PACSIN2: variants seen among roughly 807,000 people sequenced by gnomAD.
PACSIN2 encodes protein kinase C and casein kinase substrate in neurons 2, also known as protein kinase C and casein kinase substrate in neurons protein 2.
In PACSIN2, 25 loss-of-function variants were observed where a neutral mutation model predicts 63.8. The observed-to-expected ratio is 0.39, with a 90% CI of 0.29 to 0.55. PACSIN2 has a LOEUF of 0.55. PACSIN2 is among the 20% of genes least tolerant of loss of function. The probability of loss-of-function intolerance (pLI) is 0.62; values close to 1 mark genes in which losing one functional copy is unlikely to be tolerated. For synonymous variants in PACSIN2, 255 were observed against 256.2 expected, an observed-to-expected ratio of 1.00 and a Z score of 0.05; for missense variants, 518 against 646.9, an observed-to-expected ratio of 0.80 and a Z score of 2.16.
At chr22:42,927,540 C>T (rs929283669) in intron 1 of PACSIN2, among the ~76,000 whole-genome samples, 15 of 150,794 alleles carry the variant, frequency 9.9e-5, no homozygotes, top group African/African-American at 2.9e-4. Flanking sequence ...TGAGCCACCA[C>T]GCCTGGCCCC....
At chr22:42,978,326 C>T (rs924433927) in intron 1 of PACSIN2, among the ~76,000 whole-genome samples, 1 of 152,192 alleles carries the variant, frequency 6.6e-6, no homozygotes, top group Admixed American at 6.5e-5. Flanking sequence ...TTGATTACCA[C>T]CTAGCTGTTT....
chr22:42,941,608 T>C (rs921469597), intron 1 of PACSIN2, among the ~76,000 whole-genome samples: 8 of 152,336 alleles, frequency 5.3e-5, no homozygotes, highest in South Asian at 2.1e-4. Context: ...TGATATCTCA[T>C]TGTGATTTTG....
intron 1 of PACSIN2, among the ~76,000 whole-genome samples, chr22:42,983,964 CTTTTTTTT>C (rs532427677): frequency 1.9e-5 from 2 of 104,638 alleles, no homozygotes; most frequent in South Asian, 3.1e-4. Context: ...GCACTTAGCA[CTTTTTTTT>C]TTTTTTTTTT....
At chr22:42,979,745 G>A (rs1921952163) in intron 1 of PACSIN2, among the ~76,000 whole-genome samples, 1 of 152,010 alleles carries the variant, frequency 6.6e-6, no homozygotes, top group Non-Finnish European at 1.5e-5. Context: ...CACAGACATT[G>A]CCTCCTCTAG....
chr22:42,997,341 A>G (rs1923474351), intron 1 of PACSIN2, among the ~76,000 whole-genome samples: 1 of 152,162 alleles, frequency 6.6e-6, no homozygotes, highest in Non-Finnish European at 1.5e-5. Context: ...GGCAGATCAC[A>G]AGGTCAGGAG....
At chr22:42,910,200 G>A (rs1467683706) in intron 2 of PACSIN2, among the ~76,000 whole-genome samples, 1 of 152,110 alleles carries the variant, frequency 6.6e-6, no homozygotes, top group African/African-American at 2.4e-5. Context: ...CACAAGGAAG[G>A]GCCTTTTGAG....
intron 1 of PACSIN2, chr22:42,945,803 T>A (rs548057946): frequency 2.0e-5 from 3 of 152,602 alleles, no homozygotes; most frequent in East Asian, 3.9e-4. Context: ...ACTTGTTTAG[T>A]CCCCGACTCC....
At chr22:42,973,113 T>C (rs1921447647) in intron 1 of PACSIN2, among the ~76,000 whole-genome samples, 1 of 152,162 alleles carries the variant, frequency 6.6e-6, no homozygotes, top group South Asian at 2.1e-4. Context: ...GACATGACCG[T>C]CAGCTCAAAC....
chr22:42,944,102 A>C (rs1601557728), intron 1 of PACSIN2, among the ~76,000 whole-genome samples: 1 of 152,132 alleles, frequency 6.6e-6, no homozygotes, highest in East Asian at 1.9e-4. Context: ...AGTCCACACA[A>C]AGCCCCCAGC....
chr22:42,940,607 G>A (rs1322684065), intron 1 of PACSIN2, among the ~76,000 whole-genome samples: 1 of 152,226 alleles, frequency 6.6e-6, no homozygotes, highest in East Asian at 1.9e-4. Flanking sequence ...GCATGCTGGA[G>A]AGGGGCCACC....
intron 1 of PACSIN2, among the ~76,000 whole-genome samples, chr22:42,985,774 GA>G (rs775697143): frequency 1.3e-5 from 2 of 152,156 alleles, no homozygotes; most frequent in African/African-American, 2.4e-5. Flanking sequence ...CTGGAAATCT[GA>G]TAAGTCTCCC....
At chr22:43,005,781 G>A (rs1035347247) in intron 1 of PACSIN2, among the ~76,000 whole-genome samples, 3 of 152,008 alleles carry the variant, frequency 2.0e-5, no homozygotes, top group African/African-American at 7.3e-5. Context: ...ATGCTGCCCC[G>A]CCAAAATCCT....
At position 42,870,214 on chromosome 22, in the gene PACSIN2, T is replaced by C. The variant is rs1360354829; in HGVS notation, c.*1143A>G. ...CAAAGACGCGGGCACTTTTACAGTG[T>C]TCTGCTACGGAGCCAGGACAAAGGC... On this transcript the variant is annotated 3_prime_UTR_variant, in exon 11 of 11. Transcript: ENST00000263246. 1 of 152,234 alleles carries C rather than the reference T, an allele frequency of 6.6e-6. No homozygotes were observed. Among genetic ancestry groups the C allele is most frequent in the Non-Finnish European group, 1.5e-5 (1 of 68,040 alleles). The allele number at this position is 152,234 out of a possible 1,614,324, so 9.4% of individuals were successfully genotyped here.
At chr22:43,003,534 C>T (rs962912580) in intron 1 of PACSIN2, among the ~76,000 whole-genome samples, 12 of 152,184 alleles carry the variant, frequency 7.9e-5, no homozygotes, top group South Asian at 2.1e-4. Flanking sequence ...ACCCAGGAGG[C>T]GGAGCTTGCA....
intron 9 of PACSIN2, among the ~76,000 whole-genome samples, 164 bp downstream of exon 9, chr22:42,876,724 G>C (rs1928659389): frequency 6.6e-6 from 1 of 152,262 alleles, no homozygotes. Context: ...CAGAGAGCCT[G>C]TGCCAGAGAG....
chr22:42,938,847 G>A (rs1204691447), intron 1 of PACSIN2, among the ~76,000 whole-genome samples: 1 of 152,198 alleles, frequency 6.6e-6, no homozygotes, highest in African/African-American at 2.4e-5. Context: ...GCTGGATCCC[G>A]AGGTGGAGAA....
chr22:42,968,429 A>G (rs922135184), intron 1 of PACSIN2, among the ~76,000 whole-genome samples: 1 of 152,216 alleles, frequency 6.6e-6, no homozygotes, highest in African/African-American at 2.4e-5. Flanking sequence ...ATTTTGGATC[A>G]GTGCTGGGGA....
chr22:42,990,685 C>G (rs3819677), intron 1 of PACSIN2, among the ~76,000 whole-genome samples: 92,445 of 151,992 alleles, frequency 0.61, 28,710 homozygotes, highest in East Asian at 0.78. Flanking sequence ...TGAGACTCAA[C>G]GGGTAAGCAG....
chr22:43,010,398 A>ATATATTTTTT lies in PACSIN2; in HGVS notation c.-78+4622_-78+4623insAAAAAATATA. ...TGTTTAAAAATACATATATATATATATTTTTTTTTAATTGAAAATAAAAAA... is the reference window on the plus strand; with the variant it reads ...TGTTTAAAAATACATATATATATATATATATTTTTTTTTTTTTTTAATTGAAAATAAAAAA... On this transcript the variant is annotated intron_variant, in intron 1 of 10. Transcript: ENST00000263246. 7.6e-3 allele frequency among the ~76,000 whole-genome samples: 957 copies of ATATATTTTTT among 126,400 alleles called. 23 individuals carry two copies. Among genetic ancestry groups the ATATATTTTTT allele is most frequent in the African/African-American group, 0.024 (854 of 35,350 alleles). 82.9% of individuals were successfully genotyped at this position (126,400 alleles called of 152,430 possible).
Sources: gnomAD v4.1 joint callset for allele counts (sites outside exome capture counted in the v4.1 genomes callset) on GRCh38, gnomAD v4.1.1 for gene constraint, MANE v1.5 for transcripts, NCBI Gene and HGNC (gene_info 2026-07-23, HGNC 2026-07-21) for gene names.